AOAH: variants seen among roughly 807,000 people sequenced by gnomAD.
The protein encoded by AOAH is acyloxyacyl hydrolase.
In AOAH, 64 loss-of-function variants were observed where a neutral mutation model predicts 92.2. The ratio of observed to expected loss-of-function variants is 0.69; its 90% CI spans 0.57 to 0.86. The LOEUF is 0.86. AOAH is among the 40% of genes least tolerant of loss of function. The probability of loss-of-function intolerance (pLI) is 0.00; values close to 1 mark genes in which losing one functional copy is unlikely to be tolerated. For missense variants in AOAH, 656 were observed against 694.6 expected (o/e 0.94, Z 0.62); for synonymous variants, 263 against 254.5 (o/e 1.03, Z -0.32).
At chr7:36,589,709 C>T (rs1045941837) in intron 12 of AOAH, among the ~76,000 whole-genome samples, 1 of 152,212 alleles carries the variant, frequency 6.6e-6, no homozygotes, top group African/African-American at 2.4e-5. Flanking sequence ...ACCCTTATAA[C>T]TGAAAATACA....
At chr7:36,515,104 C>A (rs1280458169) in intron 20 of AOAH, among the ~76,000 whole-genome samples, 1 of 149,340 alleles carries the variant, frequency 6.7e-6, no homozygotes, top group Non-Finnish European at 1.5e-5. Context: ...CAATCCCACA[C>A]CACACACACA....
intron 11 of AOAH, among the ~76,000 whole-genome samples, chr7:36,596,169 CCA>C: frequency 4.5e-5 from 6 of 132,976 alleles, no homozygotes; most frequent in South Asian, 2.3e-4. Context: ...GAAAGCCCCC[CCA>C]CCCCCCGTCA....
At chr7:36,563,731 G>T (rs1283043236) in intron 13 of AOAH, among the ~76,000 whole-genome samples, 1 of 152,018 alleles carries the variant, frequency 6.6e-6, no homozygotes, top group African/African-American at 2.4e-5. Flanking sequence ...TGCAGATTTT[G>T]CTTTTATTTT....
intron 11 of AOAH, among the ~76,000 whole-genome samples, chr7:36,602,441 T>G (rs1790680153): frequency 6.6e-6 from 1 of 150,918 alleles, no homozygotes; most frequent in Non-Finnish European, 1.5e-5. Flanking sequence ...CTTCCTTCCA[T>G]TGTTTTTTTT....
intron 13 of AOAH, among the ~76,000 whole-genome samples, chr7:36,569,704 G>A (rs554261824): frequency 1.4e-4 from 21 of 151,788 alleles, no homozygotes; most frequent in Non-Finnish European, 2.5e-4. Flanking sequence ...TCCGCCTCCC[G>A]GGTTTAAGTG....
chr7:36,516,300 A>C lies in AOAH; in HGVS notation c.1600-2920T>G, dbSNP rs1232286939. Among the ~76,000 whole-genome samples the C allele has an allele frequency of 1.4e-5, 2 of 140,940 alleles. No individual in the cohort carries two copies. The highest frequency in any genetic ancestry group is 2.2e-4 in the East Asian group (1 of 4,628). The allele number at this position is 140,940 out of a possible 152,430, so 92.5% of individuals were successfully genotyped here. ...ACATATAACATACACACACCCCCCC[A>C]CACAGATACCACACACACACACACA... On this transcript the variant is annotated intron_variant, in intron 20 of 20. Transcript: ENST00000617537. The surrounding 1 kb of genome is among the most constrained non-coding windows in gnomAD (Gnocchi z 5.0).
At chr7:36,702,516 C>T (rs1267458029) in intron 1 of AOAH, among the ~76,000 whole-genome samples, 1 of 152,116 alleles carries the variant, frequency 6.6e-6, no homozygotes. Flanking sequence ...TCCAGACCAC[C>T]ACAATAAAGC....
At chr7:36,580,514 T>G (rs1056074027) in intron 12 of AOAH, among the ~76,000 whole-genome samples, 1 of 152,262 alleles carries the variant, frequency 6.6e-6, no homozygotes, top group African/African-American at 2.4e-5. Context: ...TATTTTAATA[T>G]GTAGGCTATT....
chr7:36,605,799 CGGCCTGTCT>C (rs1790958555), intron 11 of AOAH, among the ~76,000 whole-genome samples: 1 of 152,146 alleles, frequency 6.6e-6, no homozygotes, highest in Non-Finnish European at 1.5e-5. Flanking sequence ...AATTCAAGAA[CGGCCTGTCT>C]GGCCTGTTCA....
chr7:36,619,546 G>A (rs908097294), intron 9 of AOAH, among the ~76,000 whole-genome samples: 3 of 152,192 alleles, frequency 2.0e-5, no homozygotes, highest in Non-Finnish European at 2.9e-5. Context: ...CAGAACAAGA[G>A]CTGACTTGGG....
intron 1 of AOAH, among the ~76,000 whole-genome samples, chr7:36,720,216 C>A (rs940311077): frequency 3.3e-5 from 5 of 151,646 alleles, no homozygotes; most frequent in African/African-American, 1.2e-4. Context: ...GTGATGTGAT[C>A]TCGGCTCACT....
intron 11 of AOAH, 151 bp from the exon 12 acceptor site, chr7:36,594,581 T>A: frequency 1.4e-6 from 1 of 716,402 alleles, no homozygotes; most frequent in Non-Finnish European, 2.5e-6. Flanking sequence ...AAGGCAGATG[T>A]CTCTAACCTT....
chr7:36,698,624 A>C (rs1429277144), intron 1 of AOAH, among the ~76,000 whole-genome samples: 1 of 151,984 alleles, frequency 6.6e-6, no homozygotes, highest in Non-Finnish European at 1.5e-5. Context: ...TTATGTTTTC[A>C]TTTTCACTTA....
chr7:36,654,507 A>G (rs1006644445), intron 4 of AOAH, among the ~76,000 whole-genome samples: 2 of 152,176 alleles, frequency 1.3e-5, no homozygotes, highest in Admixed American at 1.3e-4. Context: ...TGTGAGCCCC[A>G]AATGCAGTTC....
In AOAH at chr7:36,708,464, C is replaced by G. The variant is rs188782799; in HGVS notation, c.127+15558G>C. On this transcript the variant is annotated intron_variant, in intron 1 of 20. Transcript: ENST00000617537. ...ACATTGAACACTGTCACAATATTTT[C>G]CTTTAATTCTTTCGCTATGGTGGTC... Among the ~76,000 whole-genome samples, 81 of 152,172 alleles carry G rather than the reference C, an allele frequency of 5.3e-4. 1 individual carries two copies. In the East Asian group the frequency reaches 8.7e-3, roughly 16 times the overall value.
chr7:36,568,692 T>C lies in AOAH; in HGVS notation c.1021+7882A>G, dbSNP rs541579995. Among the ~76,000 whole-genome samples, 6 of 152,328 alleles carry C rather than the reference T, an allele frequency of 3.9e-5. 1 individual carries two copies. The East Asian group carries it at 1.2e-3, about 29-fold the overall frequency. ...CCAGGGCCTCCCTCCTCAATCCCCTTCAGAAACTCTTTCTTCACCCCTTCT... is the reference window on the plus strand; with the variant it reads ...CCAGGGCCTCCCTCCTCAATCCCCTCCAGAAACTCTTTCTTCACCCCTTCT... On this transcript the variant is annotated intron_variant, in intron 13 of 20. Coordinates refer to ENST00000617537, the MANE Select transcript of AOAH (RefSeq NM_001637.4).
chr7:36,717,868 G>T (rs1451554539), intron 1 of AOAH, among the ~76,000 whole-genome samples: 2 of 151,128 alleles, frequency 1.3e-5, no homozygotes, highest in Non-Finnish European at 2.9e-5. Flanking sequence ...CATGACAAAA[G>T]AAAACTAATA....
At chr7:36,644,245 G>A (rs1794090597) in intron 4 of AOAH, among the ~76,000 whole-genome samples, 1 of 152,076 alleles carries the variant, frequency 6.6e-6, no homozygotes, top group Non-Finnish European at 1.5e-5. Flanking sequence ...CCAATGAGTG[G>A]CACAGTCCAG....
chr7:36,679,426 C>T (rs1328704734), intron 2 of AOAH, among the ~76,000 whole-genome samples: 1 of 151,246 alleles, frequency 6.6e-6, no homozygotes, highest in Non-Finnish European at 1.5e-5. Context: ...CACAACATAG[C>T]AAGTGGTTCA....
Sources: allele counts gnomAD v4.1 joint callset (sites outside exome capture counted in the v4.1 genomes callset), GRCh38; gene constraint gnomAD v4.1.1; non-coding constraint Gnocchi (gnomAD v3.1); transcripts MANE v1.5; gene names NCBI Gene and HGNC (gene_info 2026-07-23, HGNC 2026-07-21).